SLC12A7: variants seen among roughly 807,000 people sequenced by gnomAD.
SLC12A7 encodes K-Cl cotransporter 4.
Under a neutral mutation model 120.6 loss-of-function variants are expected in SLC12A7, and 100 were observed. That is an observed-to-expected ratio of 0.83 (90% CI 0.71 to 0.98). The LOEUF is 0.98. Ranked by LOEUF, SLC12A7 falls within the 50% of genes least tolerant of loss-of-function variation. The pLI is 0.00. For missense variants in SLC12A7, 1,373 were observed against 1,548.1 expected (o/e 0.89, Z 1.90); for synonymous variants, 760 against 678.0 (o/e 1.12, Z -1.88).
chr5:1,106,138 G>A lies in SLC12A7; in HGVS notation c.124+5730C>T, dbSNP rs147397637. Among the ~76,000 whole-genome samples the A allele has an allele frequency of 1.8e-3, 269 of 152,336 alleles. 1 individual carries two copies. Among genetic ancestry groups the A allele is most frequent in the African/African-American group, 6.1e-3 (253 of 41,574 alleles). On this transcript the variant is annotated intron_variant, in intron 1 of 23. Transcript: ENST00000264930. Reference sequence around the variant, plus strand: ...CATCAAACTTTGCCCTCCAGACCTCGGTCTAAGGCACAGCTTAGAAAATTC... The same window carrying A: ...CATCAAACTTTGCCCTCCAGACCTCAGTCTAAGGCACAGCTTAGAAAATTC...
At chr5:1,122,154 T>TG in the SLC12A7 span, among the ~76,000 whole-genome samples, 1 of 152,232 alleles carries the variant, frequency 6.6e-6, no homozygotes, top group African/African-American at 2.4e-5. Flanking sequence ...AGGGATGGTG[T>TG]GGGGGGACAC....
chr5:1,087,106 C>T, intron 5 of SLC12A7, 73 bp from the exon 6 acceptor site: 2 of 1,499,876 alleles, frequency 1.3e-6, no homozygotes, highest in Non-Finnish European at 1.8e-6. Context: ...GTCTGCGCTG[C>T]CATTCACGGG....
chr5:1,073,322 C>T (rs755173776), intron 17 of SLC12A7, among the ~76,000 whole-genome samples: 3 of 152,168 alleles, frequency 2.0e-5, no homozygotes, highest in Admixed American at 6.5e-5. Flanking sequence ...GCCTGAACAG[C>T]GGGAGACTGA....
the SLC12A7 span, among the ~76,000 whole-genome samples, chr5:1,149,710 T>C: frequency 1.8e-4 from 27 of 152,284 alleles, no homozygotes; most frequent in South Asian, 5.2e-3. Context: ...ATGTGCTTAT[T>C]ATCATTTGTG....
chr5:1,139,821 G>C, the SLC12A7 span, among the ~76,000 whole-genome samples: 1 of 152,180 alleles, frequency 6.6e-6, no homozygotes, highest in South Asian at 2.1e-4. Flanking sequence ...GGGCCACTAC[G>C]TCCCCACGGT....
the SLC12A7 span, among the ~76,000 whole-genome samples, chr5:1,132,412 A>C: frequency 2.6e-5 from 4 of 151,248 alleles, no homozygotes; most frequent in African/African-American, 9.8e-5. Context: ...TCATCCCTTC[A>C]CTTTCTTAAT....
chr5:1,084,047 C>T (rs1018463312), intron 7 of SLC12A7, 91 bp from the exon 8 acceptor site: 34 of 1,129,180 alleles, frequency 3.0e-5, no homozygotes, highest in African/African-American at 2.8e-4. Flanking sequence ...CCCATGGTGT[C>T]GCCCGCGAGT....
chr5:1,122,487 A>T, the SLC12A7 span, among the ~76,000 whole-genome samples: 1 of 152,234 alleles, frequency 6.6e-6, no homozygotes, highest in African/African-American at 2.4e-5. Context: ...ATTTAATTGT[A>T]GTAAAATAAT....
chr5:1,104,817 G>A (rs1193553079), intron 1 of SLC12A7, among the ~76,000 whole-genome samples: 1 of 152,252 alleles, frequency 6.6e-6, no homozygotes, highest in Non-Finnish European at 1.5e-5. Context: ...CCGCCCAAGG[G>A]GAGAGCGGAA....
intron 13 of SLC12A7, among the ~76,000 whole-genome samples, 155 bp from the exon 14 acceptor site, chr5:1,076,391 G>A (rs936418061): frequency 1.3e-4 from 7 of 53,416 alleles, no homozygotes; most frequent in Admixed American, 1.0e-3. Flanking sequence ...GACTGATTCC[G>A]AATCAGGCCC....
chr5:1,121,139 A>T, the SLC12A7 span, among the ~76,000 whole-genome samples: 3 of 152,114 alleles, frequency 2.0e-5, no homozygotes, highest in East Asian at 1.9e-4. Flanking sequence ...CGCATCCCTC[A>T]TCTTGCAGGC....
At chr5:1,077,590 G>A (rs529969388) in intron 12 of SLC12A7, among the ~76,000 whole-genome samples, 18 of 152,260 alleles carry the variant, frequency 1.2e-4, no homozygotes, top group African/African-American at 2.9e-4. Flanking sequence ...CCTCACAGCC[G>A]CTCCTGACAC....
rs550587402 is a variant in SLC12A7 at position 1,057,143 on chromosome 5, C to G, written c.3026+328G>C. Reference sequence around the variant, plus strand: ...GACCCACCCTAGGTCCTACAAGGACCCCTCAGCGCTTGGCACTAGAAGGAC... The same window carrying G: ...GACCCACCCTAGGTCCTACAAGGACGCCTCAGCGCTTGGCACTAGAAGGAC... On this transcript the variant is annotated intron_variant, in intron 22 of 23. Transcript: ENST00000264930. The G allele has an allele frequency of 2.1e-4, 58 of 273,410 alleles. No individual in the cohort carries two copies. In the South Asian group the frequency reaches 7.2e-3, roughly 34 times the overall value. 16.9% of individuals were successfully genotyped at this position (273,410 alleles called of 1,614,324 possible). A position where few individuals can be genotyped will look rare whatever the true frequency, so the allele number is the denominator to read the frequency against.
chr5:1,073,560 G>T, intron 17 of SLC12A7, 73 bp downstream of exon 17: 1 of 1,469,012 alleles, frequency 6.8e-7, no homozygotes, highest in Non-Finnish European at 9.2e-7. Context: ...CTGCGATGAG[G>T]ACATGCCAGG....
intron 1 of SLC12A7, among the ~76,000 whole-genome samples, chr5:1,095,822 C>T (rs1240240724): frequency 3.9e-5 from 6 of 152,192 alleles, no homozygotes; most frequent in African/African-American, 7.2e-5. Context: ...TGGGGGCAGG[C>T]GGGCAGCACG....
chr5:1,144,192 G>A, the SLC12A7 span, among the ~76,000 whole-genome samples: 1 of 152,068 alleles, frequency 6.6e-6, no homozygotes, highest in African/African-American at 2.4e-5. Flanking sequence ...GGACGCACCC[G>A]CCAACCTCAG....
Position 1,081,124 on chromosome 5 carries a change from G to A in SLC12A7, c.1297+453C>T, listed in dbSNP as rs528674289. ...GGTAGGGGGAGAGAGAAAGAGTGCC[G>A]GAGGAGAGAATGACAGAGACAGAGA... On this transcript the variant is annotated intron_variant, in intron 9 of 23. Transcript: ENST00000264930. Among the ~76,000 whole-genome samples, 18 of 151,694 alleles carry A rather than the reference G, an allele frequency of 1.2e-4. 1 individual carries two copies. In the South Asian group the frequency reaches 1.3e-3, roughly 11 times the overall value.
At position 1,052,012 on chromosome 5, in the gene SLC12A7, T is replaced by C; in HGVS notation, c.*348A>G. 3.1e-6 allele frequency: 1 copy of C among 324,482 alleles called. No individual in the cohort carries two copies. Among genetic ancestry groups the C allele is most frequent in the East Asian group, 6.7e-5 (1 of 15,030 alleles). The allele number at this position is 324,482 out of a possible 1,614,324, so 20.1% of individuals were successfully genotyped here. On this transcript the variant is annotated 3_prime_UTR_variant, in exon 24 of 24. Transcript: ENST00000264930. ...GTAGAAATGCAACCTAACCACTGGG[T>C]AAATCCAGCCAAGGAAAAGAACTTC...
At chr5:1,140,495 TG>T in the SLC12A7 span, among the ~76,000 whole-genome samples, 1 of 97,602 alleles carries the variant, frequency 1.0e-5, no homozygotes, top group African/African-American at 7.1e-5. Flanking sequence ...CCCCTGCTGG[TG>T]AGGGGGGGTG....
Sources: allele counts gnomAD v4.1 joint callset (sites outside exome capture counted in the v4.1 genomes callset), GRCh38; gene constraint gnomAD v4.1.1; transcripts MANE v1.5; gene names NCBI Gene and HGNC (gene_info 2026-07-23, HGNC 2026-07-21).